Variants in TNFSF4 observed in about 807,000 individuals in gnomAD.
TNFSF4 encodes the protein TNF superfamily member 4.
Under a neutral mutation model 7.3 loss-of-function variants are expected in TNFSF4, and 4 were observed. The observed-to-expected ratio is 0.55, with a 90% CI of 0.27 to 1.25. The LOEUF is 1.25. Among genes scored for constraint, TNFSF4 ranks in the 50% most tolerant of loss-of-function variants. The probability of loss-of-function intolerance (pLI) is 0.12; values close to 1 mark genes in which losing one functional copy is unlikely to be tolerated. For synonymous variants in TNFSF4, 76 were observed against 83.7 expected (o/e 0.91, Z 0.50); for missense variants, 181 against 208.8 (o/e 0.87, Z 0.82).
At chr1:173,372,074 T>A in the TNFSF4 span, among the ~76,000 whole-genome samples, 2 of 152,194 alleles carry the variant, frequency 1.3e-5, no homozygotes, top group Non-Finnish European at 2.9e-5. Context: ...ACTTTCTAGC[T>A]AATCAAGGGT....
chr1:173,210,313 T>G (rs1292456509), upstream of TNFSF4, among the ~76,000 whole-genome samples: 4 of 151,954 alleles, frequency 2.6e-5, no homozygotes, highest in Non-Finnish European at 5.9e-5. Context: ...AAGGGAAGGG[T>G]GCAGGGGGAC....
the TNFSF4 span, among the ~76,000 whole-genome samples, chr1:173,360,145 A>G: frequency 6.6e-6 from 1 of 152,206 alleles, no homozygotes; most frequent in Non-Finnish European, 1.5e-5. Flanking sequence ...TTCAGATTCT[A>G]CCCTTGGAGA....
chr1:173,197,105 T>C (rs897830132), intron 1 of TNFSF4, among the ~76,000 whole-genome samples: 3 of 152,206 alleles, frequency 2.0e-5, no homozygotes, highest in Non-Finnish European at 2.9e-5. Flanking sequence ...GTCAACACTA[T>C]ACATTGCTCA....
chr1:173,440,448 G>GA, the TNFSF4 span: 2 of 150,634 alleles, frequency 1.3e-5, no homozygotes, highest in Non-Finnish European at 3.0e-5. Flanking sequence ...AAGTAAAAAA[G>GA]AAAAAAAAAC....
the TNFSF4 span, among the ~76,000 whole-genome samples, chr1:173,385,632 G>A: frequency 6.6e-6 from 1 of 152,238 alleles, no homozygotes; most frequent in Admixed American, 6.5e-5. Context: ...GAGCACAGGA[G>A]TTCGAGACCA....
the TNFSF4 span, among the ~76,000 whole-genome samples, chr1:173,311,313 T>C: frequency 2.6e-5 from 4 of 152,076 alleles, no homozygotes; most frequent in African/African-American, 9.7e-5. Flanking sequence ...TATAAAGATA[T>C]ATTAACTATA....
chr1:173,375,907 A>G, the TNFSF4 span, among the ~76,000 whole-genome samples: 105,652 of 151,888 alleles, frequency 0.7, 36,957 homozygotes, highest in African/African-American at 0.77. Context: ...CACTCACCGC[A>G]AAGGTCCATG....
chr1:173,431,890 T>C, the TNFSF4 span, among the ~76,000 whole-genome samples: 2 of 152,224 alleles, frequency 1.3e-5, no homozygotes, highest in Non-Finnish European at 2.9e-5. Context: ...TGATGTATCA[T>C]GAACACAGGC....
chr1:173,246,333 T>C, the TNFSF4 span, among the ~76,000 whole-genome samples: 2 of 152,130 alleles, frequency 1.3e-5, no homozygotes, highest in Non-Finnish European at 1.5e-5. Flanking sequence ...CAGGTTCCAG[T>C]GTGTGTCATT....
chr1:173,205,370 G>A (rs2102002423), intron 1 of TNFSF4: 1 of 1,610,792 alleles, frequency 6.2e-7, no homozygotes, highest in Non-Finnish European at 8.5e-7. Context: ...CTTTCCTTCT[G>A]TCCCAGAGTT....
the TNFSF4 span, among the ~76,000 whole-genome samples, chr1:173,271,515 A>T: frequency 6.6e-6 from 1 of 152,116 alleles, no homozygotes; most frequent in Non-Finnish European, 1.5e-5. Flanking sequence ...AAATCAAACA[A>T]CCCCATCAAA....
the TNFSF4 span, among the ~76,000 whole-genome samples, chr1:173,297,305 T>C: frequency 0.87 from 132,641 of 151,864 alleles, 58,036 homozygotes; most frequent in East Asian, 0.99. Context: ...GGAGAAGTTA[T>C]CTGGCAACAC....
the TNFSF4 span, among the ~76,000 whole-genome samples, chr1:173,338,163 C>A: frequency 6.6e-6 from 1 of 152,174 alleles, no homozygotes. Context: ...TGGTACCATT[C>A]CCCCACAGGA....
intron 1 of TNFSF4, among the ~76,000 whole-genome samples, chr1:173,188,927 T>C (rs930717194): frequency 3.3e-5 from 5 of 152,128 alleles, no homozygotes; most frequent in African/African-American, 1.2e-4. Flanking sequence ...GGTTCTGCCA[T>C]ATTGCCCAGG....
the TNFSF4 span, among the ~76,000 whole-genome samples, chr1:173,227,443 G>A: frequency 9.1e-4 from 138 of 152,194 alleles, 1 homozygote; most frequent in African/African-American, 3.0e-3. Flanking sequence ...CGGTAGGGGC[G>A]GTTCCAAGTT....
At chr1:173,398,716 G>A in the TNFSF4 span, among the ~76,000 whole-genome samples, 1,239 of 152,130 alleles carry the variant, frequency 8.1e-3, 9 homozygotes, top group South Asian at 0.028. Flanking sequence ...ATGAGCCACC[G>A]TGCCCAGCCC....
chr1:173,197,135 A>G (rs953636488), intron 1 of TNFSF4, among the ~76,000 whole-genome samples: 2 of 152,218 alleles, frequency 1.3e-5, no homozygotes, highest in Admixed American at 1.3e-4. Context: ...AAATTGGCCT[A>G]TTCTAGTCAG....
the TNFSF4 span, among the ~76,000 whole-genome samples, chr1:173,293,729 G>T: frequency 6.6e-6 from 1 of 151,968 alleles, no homozygotes; most frequent in Admixed American, 6.6e-5. Flanking sequence ...TCTGACAAAG[G>T]TCAATATTCA....
At chr1:173,252,500 C>T in the TNFSF4 span, among the ~76,000 whole-genome samples, 5 of 152,028 alleles carry the variant, frequency 3.3e-5, no homozygotes, top group African/African-American at 9.7e-5. Flanking sequence ...AGATAATTAT[C>T]TGTGCAATAC....
Sources: allele counts gnomAD v4.1 joint callset (sites outside exome capture counted in the v4.1 genomes callset), GRCh38; gene constraint gnomAD v4.1.1; transcripts MANE v1.5; gene names NCBI Gene and HGNC (gene_info 2026-07-23, HGNC 2026-07-21).